Variants in B3GALT1 observed in about 807,000 individuals in gnomAD.
The protein encoded by B3GALT1 is beta-1,3-galactosyltransferase 1, also known as UDP-Gal:betaGlcNAc beta 1,3-galactosyltransferase, polypeptide 1.
B3GALT1 carries 10 observed loss-of-function variants against 23.2 expected under a neutral mutation model. That is an observed-to-expected ratio of 0.43 (90% confidence interval 0.27 to 0.73). The LOEUF (loss-of-function observed/expected upper bound fraction) is 0.73. B3GALT1 is among the 30% of genes least tolerant of loss of function. B3GALT1 has a pLI of 0.21. For synonymous variants in B3GALT1, 156 were observed against 141.5 expected (o/e 1.10, Z -0.73); for missense variants, 299 against 405.4 (o/e 0.74, Z 2.25).
chr2:167,363,819 T>G (rs1697539745), intron 1 of B3GALT1, among the ~76,000 whole-genome samples: 1 of 152,098 alleles, frequency 6.6e-6, no homozygotes. Flanking sequence ...AAAACAGTTT[T>G]GCAATGAGAG....
chr2:167,618,387 A>C (rs1015863021), intron 2 of B3GALT1, among the ~76,000 whole-genome samples: 1 of 152,174 alleles, frequency 6.6e-6, no homozygotes, highest in Admixed American at 6.6e-5. Context: ...CATGTTTGCT[A>C]TATTAGATAT....
intron 2 of B3GALT1, among the ~76,000 whole-genome samples, chr2:167,563,994 CG>C (rs1278335237): frequency 1.4e-5 from 2 of 144,026 alleles, no homozygotes; most frequent in Admixed American, 6.8e-5. Context: ...GCCGGCCGGA[CG>C]GGGGGCCGAC....
At chr2:167,517,712 T>C (rs1232470817) in intron 2 of B3GALT1, among the ~76,000 whole-genome samples, 1 of 152,068 alleles carries the variant, frequency 6.6e-6, no homozygotes, top group Non-Finnish European at 1.5e-5. Flanking sequence ...AAACTAGCTT[T>C]GTAGTGGACA....
chr2:167,358,066 A>G (rs1317841790), intron 1 of B3GALT1, among the ~76,000 whole-genome samples: 1 of 152,198 alleles, frequency 6.6e-6, no homozygotes, highest in Admixed American at 6.5e-5. Context: ...TTTTATGTCA[A>G]AGTTACTACT....
intron 2 of B3GALT1, among the ~76,000 whole-genome samples, chr2:167,520,627 G>A (rs548428142): frequency 6.6e-6 from 1 of 152,268 alleles, no homozygotes; most frequent in African/African-American, 2.4e-5. Flanking sequence ...GCTCTTGATT[G>A]GTTTGCTTTT....
chr2:167,426,156 C>A (rs1474569456), intron 1 of B3GALT1, among the ~76,000 whole-genome samples: 1 of 152,050 alleles, frequency 6.6e-6, no homozygotes, highest in Non-Finnish European at 1.5e-5. Flanking sequence ...CAGGATGATA[C>A]ATTGGATTAT....
intron 2 of B3GALT1, among the ~76,000 whole-genome samples, chr2:167,586,102 C>G (rs1350689414): frequency 6.6e-6 from 1 of 152,068 alleles, no homozygotes; most frequent in Non-Finnish European, 1.5e-5. Context: ...AAGCTGTGCA[C>G]TTTGATTTAT....
intron 2 of B3GALT1, among the ~76,000 whole-genome samples, chr2:167,522,866 G>A (rs902102873): frequency 5.9e-5 from 9 of 152,112 alleles, no homozygotes; most frequent in Non-Finnish European, 1.3e-4. Context: ...TTTCACCTGT[G>A]CCTATAGATT....
chr2:167,865,175 G>A (rs547824588), intron 4 of B3GALT1, among the ~76,000 whole-genome samples: 53 of 152,218 alleles, frequency 3.5e-4, no homozygotes, highest in Middle Eastern at 3.4e-3. Flanking sequence ...TCAGGAGGCC[G>A]AGGCAGGAAG....
chr2:167,634,756 C>G (rs1016232225), intron 2 of B3GALT1, among the ~76,000 whole-genome samples: 1 of 152,084 alleles, frequency 6.6e-6, no homozygotes, highest in African/African-American at 2.4e-5. Context: ...GATTCACAGC[C>G]TAATTCTACC....
chr2:167,679,291 GTAT>G (rs1192963907), intron 3 of B3GALT1, among the ~76,000 whole-genome samples: 38 of 151,974 alleles, frequency 2.5e-4, no homozygotes, highest in African/African-American at 8.7e-4. Context: ...GCTAATTTTT[GTAT>G]TATTAGTAGA....
chr2:167,540,309 A>G (rs1683514662), intron 2 of B3GALT1, among the ~76,000 whole-genome samples: 1 of 152,172 alleles, frequency 6.6e-6, no homozygotes, highest in Admixed American at 6.5e-5. Context: ...AGTGGTTTCC[A>G]GACCAGCAGC....
rs35745682 is a variant in B3GALT1 at position 167,689,140 on chromosome 2, C to CA, written c.-352+42193dup. On this transcript the variant is annotated intron_variant, in intron 3 of 4. Transcript: ENST00000392690. ...AGTCAAACCTCGCCCCCAAAAAGAC[C>CA]AAAAAAAAAAAAAAAAAAATCCTTG... Among the ~76,000 whole-genome samples, 476 of 137,524 alleles carry CA rather than the reference C, an allele frequency of 3.5e-3. 1 individual carries two copies. Among genetic ancestry groups the CA allele is most frequent in the East Asian group, 8.9e-3 (42 of 4,704 alleles). The allele number at this position is 137,524 out of a possible 152,430, so 90.2% of individuals were successfully genotyped here.
chr2:167,387,929 C>T (rs1010892578), intron 1 of B3GALT1, among the ~76,000 whole-genome samples: 4 of 152,118 alleles, frequency 2.6e-5, no homozygotes, highest in Non-Finnish European at 4.4e-5. Context: ...TTGAAAGGAA[C>T]GTATGTAACT....
chr2:167,654,366 C>A (rs1366332310), intron 3 of B3GALT1, among the ~76,000 whole-genome samples: 2 of 152,182 alleles, frequency 1.3e-5, no homozygotes, highest in African/African-American at 4.8e-5. Flanking sequence ...CCTGTGAAAT[C>A]TCTTCCAGGC....
At chr2:167,447,666 A>G (rs1033792068) in intron 1 of B3GALT1, among the ~76,000 whole-genome samples, 4 of 152,110 alleles carry the variant, frequency 2.6e-5, no homozygotes, top group Admixed American at 6.5e-5. Context: ...TGAGCCAGGC[A>G]TGGGATATAA....
At chr2:167,459,471 A>G (rs112788450) in intron 1 of B3GALT1, among the ~76,000 whole-genome samples, 3,683 of 152,282 alleles carry the variant, frequency 0.024, 144 homozygotes, top group African/African-American at 0.084. Flanking sequence ...GCCCTAAAAC[A>G]TAAACTAATG....
At chr2:167,667,843 A>T (rs1007835044) in intron 3 of B3GALT1, among the ~76,000 whole-genome samples, 3 of 152,134 alleles carry the variant, frequency 2.0e-5, no homozygotes, top group Non-Finnish European at 4.4e-5. Context: ...CAAGTTATAG[A>T]TTCTTCTAAA....
At chr2:167,699,844 T>C (rs946607467) in intron 3 of B3GALT1, among the ~76,000 whole-genome samples, 9 of 152,112 alleles carry the variant, frequency 5.9e-5, no homozygotes, top group African/African-American at 1.9e-4. Context: ...TACTGAGTAG[T>C]TGGGATTAGA....
Sources: allele counts gnomAD v4.1 joint callset (sites outside exome capture counted in the v4.1 genomes callset), GRCh38; gene constraint gnomAD v4.1.1; transcripts MANE v1.5; gene names NCBI Gene and HGNC (gene_info 2026-07-23, HGNC 2026-07-21).